Variants in FLRT2 observed in about 807,000 individuals in gnomAD.
The protein encoded by FLRT2 is fibronectin leucine rich transmembrane protein 2, also known as leucine-rich repeat transmembrane protein FLRT2.
Under a neutral mutation model 40.0 loss-of-function variants are expected in FLRT2, and 15 were observed. The ratio of observed to expected loss-of-function variants is 0.38; its 90% CI spans 0.25 to 0.58. The LOEUF is 0.58. Ranked by LOEUF, FLRT2 falls within the 20% of genes least tolerant of loss-of-function variation. The probability of loss-of-function intolerance (pLI) is 0.71; values close to 1 mark genes in which losing one functional copy is unlikely to be tolerated. For missense variants in FLRT2, 726 were observed against 840.0 expected (o/e 0.86, Z 1.68); for synonymous variants, 380 against 336.8 (o/e 1.13, Z -1.41).
intron 1 of FLRT2, among the ~76,000 whole-genome samples, chr14:85,546,566 GTGTTTCTTC>G: frequency 6.6e-6 from 1 of 152,294 alleles, no homozygotes; most frequent in South Asian, 2.1e-4. Flanking sequence ...GAATTCTGTG[GTGTTTCTTC>G]TGTCTATGGA....
rs1555372977 is a variant in FLRT2, at chr14:85,631,132, A to ATATATATATATATAT, written c.*7635_*7636insTATATATATATATAT. 1.1e-4 allele frequency: 15 copies of ATATATATATATATAT among 139,498 alleles called. No individual in the cohort carries two copies. Among genetic ancestry groups the ATATATATATATATAT allele is most frequent in the East Asian group, 4.3e-4 (2 of 4,666 alleles). The allele number at this position is 139,498 out of a possible 1,614,324, so 8.6% of individuals were successfully genotyped here. A position where few individuals can be genotyped will look rare whatever the true frequency, so the allele number is the denominator to read the frequency against. On this transcript the variant is annotated 3_prime_UTR_variant, in exon 2 of 2. Coordinates refer to ENST00000330753, the MANE Select transcript of FLRT2 (RefSeq NM_013231.6). Reference sequence around the variant, plus strand: ...AGATTTTATATATATATATATATGAAATGAGCAAACAAAATGCTTTCAGTT... The same window carrying ATATATATATATATAT: ...AGATTTTATATATATATATATATGAATATATATATATATATATGAGCAAACAAAATGCTTTCAGTT...
chr14:85,538,201 CCAAA>C (rs1226671267), intron 1 of FLRT2, among the ~76,000 whole-genome samples: 2 of 151,974 alleles, frequency 1.3e-5, no homozygotes, highest in Non-Finnish European at 2.9e-5. Context: ...CTTGAGTCAC[CCAAA>C]CAAAGCAGTG....
At chr14:85,578,493 C>T (rs555668271) in intron 1 of FLRT2, among the ~76,000 whole-genome samples, 2 of 151,646 alleles carry the variant, frequency 1.3e-5, no homozygotes, top group East Asian at 1.9e-4. Context: ...GGTGATAAAC[C>T]GAGGACGGAT....
rs1255287333 is a variant in FLRT2 at position 85,625,171 on chromosome 14, T to C, written c.*1674T>C. ...GAAGGGCTATAGATCACATACGTTATCAAAAACTACTCCCTTGGAAAAAAT... is the reference window on the plus strand; with the variant it reads ...GAAGGGCTATAGATCACATACGTTACCAAAAACTACTCCCTTGGAAAAAAT... On this transcript the variant is annotated 3_prime_UTR_variant, in exon 2 of 2. Transcript: ENST00000330753. The C allele has an allele frequency of 1.2e-5, 2 of 167,066 alleles. No individual in the cohort carries two copies. Among genetic ancestry groups the C allele is most frequent in the Admixed American group, 6.5e-5 (1 of 15,276 alleles). The allele number at this position is 167,066 out of a possible 1,614,324, so 10.3% of individuals were successfully genotyped here.
intron 1 of FLRT2, among the ~76,000 whole-genome samples, chr14:85,600,618 G>A (rs1310573539): frequency 6.6e-6 from 1 of 152,142 alleles, no homozygotes; most frequent in East Asian, 1.9e-4. Flanking sequence ...AATTGAAAGA[G>A]ACCATTAGAT....
At position 85,640,777 on chromosome 14, in the gene FLRT2, C is replaced by A. The variant is rs1306319712; in HGVS notation, c.*17280C>A. The A allele has an allele frequency of 2.1e-5, 3 of 143,814 alleles. No individual in the cohort carries two copies. In the Admixed American group the frequency reaches 2.2e-4, roughly 10 times the overall value. The allele number at this position is 143,814 out of a possible 1,614,324, so 8.9% of individuals were successfully genotyped here. On this transcript the variant is annotated 3_prime_UTR_variant, in exon 2 of 2. Coordinates refer to ENST00000330753, the MANE Select transcript of FLRT2 (RefSeq NM_013231.6). ...AGGCCACATAGTGTGGCAAACACAT[C>A]ATTAGAAACTGCCTCCTATTCACTC...
chr14:85,594,670 C>A (rs915469203), intron 1 of FLRT2, among the ~76,000 whole-genome samples: 1 of 152,036 alleles, frequency 6.6e-6, no homozygotes, highest in African/African-American at 2.4e-5. Context: ...TGAATCTAAA[C>A]CCGTCTCCTA....
At chr14:85,619,296 G>A (rs1384258333) in intron 1 of FLRT2, among the ~76,000 whole-genome samples, 1 of 151,800 alleles carries the variant, frequency 6.6e-6, no homozygotes, top group Admixed American at 6.6e-5. Flanking sequence ...TATTGCCCAA[G>A]CTGGTCTCGA....
At chr14:85,611,186 T>G (rs149948456) in intron 1 of FLRT2, among the ~76,000 whole-genome samples, 132 of 152,290 alleles carry the variant, frequency 8.7e-4, no homozygotes, top group African/African-American at 3.1e-3. Flanking sequence ...CTTCTTGCTT[T>G]CTAAACATAG....
At chr14:85,596,450 A>G (rs1249931016) in intron 1 of FLRT2, among the ~76,000 whole-genome samples, 1 of 152,178 alleles carries the variant, frequency 6.6e-6, no homozygotes. Flanking sequence ...GCCTTTTACA[A>G]TCATGGACCA....
chr14:85,549,706 A>G (rs940282077), intron 1 of FLRT2, among the ~76,000 whole-genome samples: 2 of 139,122 alleles, frequency 1.4e-5, no homozygotes, highest in Non-Finnish European at 3.3e-5. Context: ...TGTTGAATAG[A>G]TTGTGTGTTA....
intron 1 of FLRT2, among the ~76,000 whole-genome samples, chr14:85,602,745 C>T (rs184274495): frequency 1.2e-3 from 181 of 152,270 alleles, no homozygotes; most frequent in Admixed American, 1.9e-3. Flanking sequence ...GTGTCACAAA[C>T]GGATGGTGTC....
Position 85,635,562 on chromosome 14 carries a change from T to A in FLRT2, c.*12065T>A, listed in dbSNP as rs1251346662. On this transcript the variant is annotated 3_prime_UTR_variant, in exon 2 of 2. Coordinates refer to ENST00000330753, the MANE Select transcript of FLRT2 (RefSeq NM_013231.6). ...TGTTTTCAAGCCATTATATAACAGCTATTAAACCCTAATATTTGACAGAGA... is the reference window on the plus strand; with the variant it reads ...TGTTTTCAAGCCATTATATAACAGCAATTAAACCCTAATATTTGACAGAGA... 6.6e-6 allele frequency: 1 copy of A among 152,088 alleles called. No individual in the cohort carries two copies. Among genetic ancestry groups the A allele is most frequent in the Non-Finnish European group, 1.5e-5 (1 of 67,972 alleles). 9.4% of individuals were successfully genotyped at this position (152,088 alleles called of 1,614,324 possible).
In FLRT2 at chr14:85,630,551, C is replaced by T. The variant is rs1893842335; in HGVS notation, c.*7054C>T. 1 of 152,026 alleles carries T rather than the reference C, an allele frequency of 6.6e-6. No homozygotes were observed. Among genetic ancestry groups the T allele is most frequent in the African/African-American group, 2.4e-5 (1 of 41,378 alleles). 9.4% of individuals were successfully genotyped at this position (152,026 alleles called of 1,614,324 possible). On this transcript the variant is annotated 3_prime_UTR_variant, in exon 2 of 2. Coordinates refer to ENST00000330753, the MANE Select transcript of FLRT2 (RefSeq NM_013231.6). The stretch of plus-strand genomic sequence containing the variant: ...TTCTGGTGCAGAATAAGAATGTTTT[C>T]CAGGAGAGTTAAATTTTGCTCATCA...
In FLRT2 at chr14:85,624,070, C is replaced by T. The variant is rs143094133; in HGVS notation, c.*573C>T. ...AATGCTGAAAGCACCAGGAGGAAGC[C>T]GGTTCCCGTGAGATAAGTTAACCCG... On this transcript the variant is annotated 3_prime_UTR_variant, in exon 2 of 2. Coordinates refer to ENST00000330753, the MANE Select transcript of FLRT2 (RefSeq NM_013231.6). The T allele has an allele frequency of 3.0e-5, 5 of 167,120 alleles. No individual in the cohort carries two copies. The highest frequency in any genetic ancestry group is 1.2e-4 in the African/African-American group (5 of 41,542). 10.4% of individuals were successfully genotyped at this position (167,120 alleles called of 1,614,324 possible).
intron 1 of FLRT2, among the ~76,000 whole-genome samples, chr14:85,593,606 T>A (rs1477937806): frequency 6.6e-6 from 1 of 152,184 alleles, no homozygotes; most frequent in Non-Finnish European, 1.5e-5. Context: ...GAATAATGTT[T>A]TACAAATTCT....
intron 1 of FLRT2, among the ~76,000 whole-genome samples, chr14:85,608,055 G>T (rs995471021): frequency 1.3e-5 from 2 of 151,716 alleles, no homozygotes; most frequent in African/African-American, 4.9e-5. Flanking sequence ...TATTGGATTA[G>T]GCCCCACCTT....
intron 1 of FLRT2, among the ~76,000 whole-genome samples, chr14:85,593,966 C>G (rs1892019701): frequency 6.6e-6 from 1 of 151,962 alleles, no homozygotes; most frequent in South Asian, 2.1e-4. Context: ...TGCTTGAATC[C>G]AGGAGGCAGA....
At chr14:85,533,801 G>A (rs1227334521) in intron 1 of FLRT2, among the ~76,000 whole-genome samples, 1 of 151,594 alleles carries the variant, frequency 6.6e-6, no homozygotes, top group African/African-American at 2.4e-5. Flanking sequence ...GGGGAGGCGC[G>A]CGCCGCTCTG....
Sources: gnomAD v4.1 joint callset for allele counts (sites outside exome capture counted in the v4.1 genomes callset) on GRCh38, gnomAD v4.1.1 for gene constraint, MANE v1.5 for transcripts, NCBI Gene and HGNC (gene_info 2026-07-23, HGNC 2026-07-21) for gene names.